EPB41L1: variants seen among roughly 807,000 people sequenced by gnomAD.
The protein encoded by EPB41L1 is erythrocyte membrane protein band 4.1 like 1.
In EPB41L1, 29 loss-of-function variants were observed where a neutral mutation model predicts 97.8. That is an observed-to-expected ratio of 0.30 (90% confidence interval 0.22 to 0.40). The LOEUF is 0.40. Ranked by LOEUF, EPB41L1 falls within the 10% of genes least tolerant of loss-of-function variation. The pLI is 1.00. For missense variants in EPB41L1, 812 were observed against 1,162.3 expected (o/e 0.70, Z 4.38); for synonymous variants, 383 against 459.2 (o/e 0.83, Z 2.12).
rs1411535924 is a variant in EPB41L1, at chr20:36,190,451, G to A, written c.1124+77G>A. ...TGGAGGGGAGCAGGGGGAGGAGTTA[G>A]TGAGAACTCTAGGAAAGTCCTCCAC... On this transcript the variant is annotated intron_variant, in intron 10 of 21. Coordinates refer to ENST00000338074, the MANE Select transcript of EPB41L1 (RefSeq NM_012156.2). The surrounding 1 kb of genome is among the most constrained non-coding windows in gnomAD (Gnocchi z 5.8). The A allele has an allele frequency of 8.4e-6, 13 of 1,550,882 alleles. No homozygotes were observed. In the African/African-American group the frequency reaches 1.6e-4, roughly 19 times the overall value.
chr20:36,225,575 T>C (rs1211853752), intron 21 of EPB41L1, among the ~76,000 whole-genome samples: 1 of 152,202 alleles, frequency 6.6e-6, no homozygotes, highest in Non-Finnish European at 1.5e-5. Context: ...CTGACTGGTG[T>C]GTGACCGTAG....
At chr20:36,146,839 T>C (rs1055012481) in intron 2 of EPB41L1, among the ~76,000 whole-genome samples, 2 of 149,574 alleles carry the variant, frequency 1.3e-5, no homozygotes, top group African/African-American at 4.9e-5. Context: ...ATGGAAAAAC[T>C]GTTGAAAAGA....
At chr20:36,141,107 T>C (rs1433574837) in intron 2 of EPB41L1, among the ~76,000 whole-genome samples, 1 of 152,180 alleles carries the variant, frequency 6.6e-6, no homozygotes, top group Non-Finnish European at 1.5e-5. Context: ...TCATAGACTG[T>C]GGGCTCAGGA....
chr20:36,213,720 A>G (rs551956560), intron 16 of EPB41L1, among the ~76,000 whole-genome samples: 71 of 152,344 alleles, frequency 4.7e-4, no homozygotes, highest in Admixed American at 2.9e-3. Flanking sequence ...GTTTATAGTT[A>G]TACAATTCAA....
intron 1 of EPB41L1, among the ~76,000 whole-genome samples, chr20:36,167,242 G>A (rs1036024304): frequency 1.3e-5 from 2 of 152,126 alleles, no homozygotes; most frequent in Non-Finnish European, 2.9e-5. Flanking sequence ...AAGAACAGAC[G>A]GAAAGCCAAT....
At chr20:36,124,174 G>T (rs2058866023) in intron 2 of EPB41L1, among the ~76,000 whole-genome samples, 1 of 152,158 alleles carries the variant, frequency 6.6e-6, no homozygotes, top group Non-Finnish European at 1.5e-5. Flanking sequence ...AGAATGGTGT[G>T]AACCCGGGAT....
intron 3 of EPB41L1, 141 bp downstream of exon 3, chr20:36,175,856 G>A (rs931414124): frequency 6.1e-5 from 53 of 873,926 alleles, no homozygotes; most frequent in Admixed American, 2.0e-4. Context: ...GACCTGGCTC[G>A]GAGCTCCTTT....
In EPB41L1 at chr20:36,212,455, C is replaced by A; in HGVS notation, c.2184+79C>A. 8.3e-7 allele frequency: 1 copy of A among 1,201,624 alleles called. No individual in the cohort carries two copies. Among genetic ancestry groups the A allele is most frequent in the Non-Finnish European group, 1.2e-6 (1 of 814,366 alleles). 74.4% of individuals were successfully genotyped at this position (1,201,624 alleles called of 1,614,324 possible). A position where few individuals can be genotyped will look rare whatever the true frequency, so the allele number is the denominator to read the frequency against. On this transcript the variant is annotated intron_variant, in intron 16 of 21. Transcript: ENST00000338074. This position sits in a 1 kb window ranked among gnomAD's most constrained non-coding sequence, Gnocchi z 4.8. ...AGGGTCCCCACTGCTGTGGCCAAAC[C>A]CCTTGGCCAGCTCTTTTAATCTCAG...
chr20:36,196,021 C>T (rs1008801415), intron 13 of EPB41L1, among the ~76,000 whole-genome samples: 5 of 152,196 alleles, frequency 3.3e-5, no homozygotes, highest in African/African-American at 1.2e-4. Context: ...GTTGCTTCCC[C>T]CAAATTATTC....
At chr20:36,219,740 G>A (rs2063665705) in intron 18 of EPB41L1, 21 bp from the exon 19 acceptor site, 2 of 1,612,244 alleles carry the variant, frequency 1.2e-6, no homozygotes, top group Non-Finnish European at 1.7e-6. Flanking sequence ...ACCCTGGGTG[G>A]GGGGTGGTTA....
At chr20:36,151,340 C>T (rs888190074), upstream of EPB41L1, 1 of 152,244 alleles carries the variant, frequency 6.6e-6, no homozygotes, top group Non-Finnish European at 1.5e-5. Flanking sequence ...TGCTGACCTC[C>T]CATCACAGCA....
At chr20:36,166,156 CTT>C (rs1434547369) in intron 1 of EPB41L1, among the ~76,000 whole-genome samples, 1 of 152,222 alleles carries the variant, frequency 6.6e-6, no homozygotes, top group Admixed American at 6.5e-5. Flanking sequence ...GAAATTGTCT[CTT>C]TGTGTTCTAT....
chr20:36,158,150 G>T (rs6121169), intron 1 of EPB41L1, among the ~76,000 whole-genome samples: 1 of 152,158 alleles, frequency 6.6e-6, no homozygotes, highest in Non-Finnish European at 1.5e-5. Context: ...GGGGGAGTCA[G>T]GATTCAAACC....
chr20:36,221,923 T>C lies in EPB41L1; in HGVS notation c.2499T>C (p.Asp833=). 1.9e-6 allele frequency: 3 copies of C among 1,614,180 alleles called. No homozygotes were observed. The African/African-American group carries it at 4.0e-5, about 22-fold the overall frequency. The change falls in exon 20 of 22, where the codon GAT becomes GAC. Residue 833 remains aspartate, a synonymous_variant. Transcript: ENST00000338074. ...AGAAGCGAATCATCATTACTGGGGATGAAGATGTCGATCAAGACCAGGTAT... is the reference window on the plus strand; with the variant it reads ...AGAAGCGAATCATCATTACTGGGGACGAAGATGTCGATCAAGACCAGGTAT... ...RIEKRIIITG[D]EDVDQDQALA...
At chr20:36,159,424 G>A (rs1259991462) in intron 1 of EPB41L1, among the ~76,000 whole-genome samples, 1 of 152,196 alleles carries the variant, frequency 6.6e-6, no homozygotes, top group Non-Finnish European at 1.5e-5. Flanking sequence ...ATGGAGCTGT[G>A]CAATTGCAAA....
At chr20:36,184,239 A>G (rs1228128637) in intron 6 of EPB41L1, among the ~76,000 whole-genome samples, 7 of 152,192 alleles carry the variant, frequency 4.6e-5, no homozygotes, top group Non-Finnish European at 1.5e-5. Flanking sequence ...CATCTCAAAA[A>G]AAGAAAAAAA....
chr20:36,143,075 C>T (rs1032161802), intron 2 of EPB41L1, among the ~76,000 whole-genome samples: 5 of 151,814 alleles, frequency 3.3e-5, no homozygotes, highest in Admixed American at 1.3e-4. Context: ...TTCCGAGTGA[C>T]CGCACCGCCA....
In EPB41L1 at chr20:36,167,880, G is replaced by A. The variant is rs114418915; in HGVS notation, c.-14-5884G>A. 2.2e-3 allele frequency among the ~76,000 whole-genome samples: 339 copies of A among 152,200 alleles called. 3 individuals are homozygous for A. Among genetic ancestry groups the A allele is most frequent in the African/African-American group, 7.9e-3 (326 of 41,528 alleles). ...CAGGCTGGGGCAGCCCCTGGAACAA[G>A]CTGATAGTGGCTTAGATTTAGGCAG... On this transcript the variant is annotated intron_variant, in intron 1 of 21. Transcript: ENST00000338074.
At chr20:36,158,366 G>C (rs527493535) in intron 1 of EPB41L1, among the ~76,000 whole-genome samples, 14 of 152,336 alleles carry the variant, frequency 9.2e-5, no homozygotes, top group Admixed American at 2.6e-4. Context: ...GCTCAGCATG[G>C]ATTCCTATTT....
Sources: allele counts gnomAD v4.1 joint callset (sites outside exome capture counted in the v4.1 genomes callset), GRCh38; gene constraint gnomAD v4.1.1; non-coding constraint Gnocchi (gnomAD v3.1); transcripts MANE v1.5; gene names NCBI Gene and HGNC (gene_info 2026-07-23, HGNC 2026-07-21).